The following NAT8L variants were observed in gnomAD, a reference collection of about 807,000 sequenced individuals.
NAT8L encodes the protein aspartate N-acetyltransferase, also known as N-acetylaspartate synthetase.
Under a neutral mutation model 21.2 loss-of-function variants are expected in NAT8L, and 6 were observed. The observed-to-expected ratio is 0.28, with a 90% CI of 0.16 to 0.56. NAT8L has a LOEUF of 0.56. Ranked by LOEUF, NAT8L falls within the 20% of genes least tolerant of loss-of-function variation. NAT8L has a pLI of 0.93. For synonymous variants in NAT8L, 239 were observed against 204.9 expected, an observed-to-expected ratio of 1.17 and a Z score of -1.42; for missense variants, 331 against 433.3, an observed-to-expected ratio of 0.76 and a Z score of 2.10.
intron 2 of NAT8L, among the ~76,000 whole-genome samples, chr4:2,063,441 CT>C (rs958042974): frequency 6.6e-6 from 1 of 152,286 alleles, no homozygotes; most frequent in Non-Finnish European, 1.5e-5. Context: ...TTGACCACTA[CT>C]CTGAGCAGCG....
rs1342653407 is a variant in NAT8L at position 2,065,428 on chromosome 4, C to CG, written c.*1307dup. 27 of 11,240 alleles carry CG rather than the reference C, an allele frequency of 2.4e-3. No individual in the cohort carries two copies. The highest frequency in any genetic ancestry group is 4.0e-3 in the Non-Finnish European group (21 of 5,270). The allele number at this position is 11,240 out of a possible 1,614,324, so 0.7% of individuals were successfully genotyped here. A position where few individuals can be genotyped will look rare whatever the true frequency, so the allele number is the denominator to read the frequency against. On this transcript the variant is annotated 3_prime_UTR_variant, in exon 3 of 3. Coordinates refer to ENST00000423729, the MANE Select transcript of NAT8L (RefSeq NM_178557.4). ...GGTCACAGGCAGGGGCTGCCCTGGA[C>CG]GGGGGGCGGGGGGGGTGGCCTGGAA...
At chr4:2,061,858 G>C (rs748698941) in intron 2 of NAT8L, among the ~76,000 whole-genome samples, 26 of 152,268 alleles carry the variant, frequency 1.7e-4, no homozygotes, top group Non-Finnish European at 3.1e-4. Context: ...GCCAACGAGA[G>C]GGACAGAGTG....
In NAT8L at chr4:2,066,361, G is replaced by A. The variant is rs1396375160; in HGVS notation, c.*2234G>A. On this transcript the variant is annotated 3_prime_UTR_variant, in exon 3 of 3. Transcript: ENST00000423729. ...TGCCAGGACTTGGTAGAGATGGCAG[G>A]AAGGGTGTGCGGGGTGGTTGTGTGC... 1.3e-5 allele frequency: 2 copies of A among 152,370 alleles called. No individual in the cohort carries two copies. Among genetic ancestry groups the A allele is most frequent in the Non-Finnish European group, 2.9e-5 (2 of 68,166 alleles). The allele number at this position is 152,370 out of a possible 1,614,324, so 9.4% of individuals were successfully genotyped here.
At position 2,059,648 on chromosome 4, in the gene NAT8L, C is replaced by T. The variant is rs1729812626; in HGVS notation, c.137C>T (p.Pro46Leu). The change falls in exon 1 of 3, where the codon CCC becomes CTC. Residue 46 changes from proline (P) to leucine (L), a missense_variant. This residue lies in a region of NAT8L where 199 missense variants were observed against 196.1 expected (regional missense o/e 1.01). Coordinates refer to ENST00000423729, the MANE Select transcript of NAT8L (RefSeq NM_178557.4). This position sits in a 1 kb window ranked among gnomAD's most constrained non-coding sequence, Gnocchi z 4.8. ...ATGTGGCCCCCGCTGCCCGCCGCGC[C>T]CGGGCCGGCCGCCGCGCCCCCCGCG... ...GAMWPPLPAA[P>L]GPAAAPPAPP... The T allele has an allele frequency of 3.1e-6, 3 of 967,790 alleles. No homozygotes were observed. In the African/African-American group the frequency reaches 5.3e-5, roughly 17 times the overall value. 60.0% of individuals were successfully genotyped at this position (967,790 alleles called of 1,614,324 possible). A position where few individuals can be genotyped will look rare whatever the true frequency, so the allele number is the denominator to read the frequency against.
At position 2,061,113 on chromosome 4, in the gene NAT8L, G is replaced by T. The variant is rs769862104; in HGVS notation, c.492G>T (p.Ala164=). 6.2e-7 allele frequency: 1 copy of T among 1,611,562 alleles called. No individual in the cohort carries two copies. The highest frequency in any genetic ancestry group is 8.5e-7 in the Non-Finnish European group (1 of 1,179,252). ...RKVIRAYLEC[A]LHTDMADIEQ... Reference sequence around the variant, plus strand: ...TGATCCGCGCCTACCTGGAGTGCGCGCTGCACACGGACATGGCGGACATCG... The same window carrying T: ...TGATCCGCGCCTACCTGGAGTGCGCTCTGCACACGGACATGGCGGACATCG... The change falls in exon 2 of 3, where the codon GCG becomes GCT. Residue 164 remains alanine (A), a synonymous_variant. Coordinates refer to ENST00000423729, the MANE Select transcript of NAT8L (RefSeq NM_178557.4).
At chr4:2,063,612 C>A in intron 2 of NAT8L, 148 bp from the exon 3 acceptor site, 1 of 1,457,996 alleles carries the variant, frequency 6.9e-7, no homozygotes, top group Non-Finnish European at 9.4e-7. Flanking sequence ...TAGCTAGGCC[C>A]CGGGGGCTGC....
Position 2,065,261 on chromosome 4 carries a change from C to T in NAT8L, c.*1134C>T, listed in dbSNP as rs571765734. On this transcript the variant is annotated 3_prime_UTR_variant, in exon 3 of 3. Coordinates refer to ENST00000423729, the MANE Select transcript of NAT8L (RefSeq NM_178557.4). ...CTGCCATGGAGCACGCCTCCCAGCC[C>T]TGGCCTGCAGTGTGGGCAGGGTGGG... 1.3e-5 allele frequency: 2 copies of T among 152,048 alleles called. No homozygotes were observed. Among genetic ancestry groups the T allele is most frequent in the African/African-American group, 4.8e-5 (2 of 41,370 alleles). 9.4% of individuals were successfully genotyped at this position (152,048 alleles called of 1,614,324 possible).
In NAT8L at chr4:2,060,948, G is replaced by A. The variant is rs1729844626; in HGVS notation, c.377-50G>A. 9.0e-7 allele frequency: 1 copy of A among 1,116,754 alleles called. No homozygotes were observed. The highest frequency in any genetic ancestry group is 1.3e-6 in the Non-Finnish European group (1 of 798,384). The allele number at this position is 1,116,754 out of a possible 1,614,324, so 69.2% of individuals were successfully genotyped here. A position where few individuals can be genotyped will look rare whatever the true frequency, so the allele number is the denominator to read the frequency against. ...CGGGCTTCGCCGGGGTGGCGTCTCT[G>A]GGGCCTGGGGACCCCCGCCGCGCCG... On this transcript the variant is annotated intron_variant, in intron 1 of 2. Coordinates refer to ENST00000423729, the MANE Select transcript of NAT8L (RefSeq NM_178557.4). The surrounding 1 kb of genome is among the most constrained non-coding windows in gnomAD (Gnocchi z 4.7).
In NAT8L at chr4:2,060,986, C is replaced by T. The variant is rs776831569; in HGVS notation, c.377-12C>T. The stretch of plus-strand genomic sequence containing the variant: ...CCCCGCCGCGCCGCTGACCCGCGCC[C>T]TCTGCCCCCAGCGCTGTGCTTCGCC... On this transcript the variant is annotated splice_polypyrimidine_tract_variant and intron_variant, in intron 1 of 2. Transcript: ENST00000423729. The surrounding 1 kb of genome is among the most constrained non-coding windows in gnomAD (Gnocchi z 4.7). 5 of 1,491,772 alleles carry T rather than the reference C, an allele frequency of 3.4e-6. No individual in the cohort carries two copies. In the East Asian group the frequency reaches 7.5e-5, roughly 22 times the overall value. 92.4% of individuals were successfully genotyped at this position (1,491,772 alleles called of 1,614,324 possible). A position where few individuals can be genotyped will look rare whatever the true frequency, so the allele number is the denominator to read the frequency against.
chr4:2,061,507 A>T lies in NAT8L; in HGVS notation c.541+345A>T, dbSNP rs1729889564. Among the ~76,000 whole-genome samples the T allele has an allele frequency of 2.0e-5, 3 of 150,860 alleles. No homozygotes were observed. In the South Asian group the frequency reaches 6.3e-4, roughly 31 times the overall value. The stretch of plus-strand genomic sequence containing the variant: ...GCCTTGCGGGGATGGGGTTGCCTGC[A>T]GTGCCAGGGTCCTGGGGGGAGAGGG... On this transcript the variant is annotated intron_variant, in intron 2 of 2. Coordinates refer to ENST00000423729, the MANE Select transcript of NAT8L (RefSeq NM_178557.4).
At chr4:2,063,191 C>T (rs978531661) in intron 2 of NAT8L, among the ~76,000 whole-genome samples, 4 of 152,276 alleles carry the variant, frequency 2.6e-5, no homozygotes, top group Admixed American at 6.5e-5. Flanking sequence ...AGGGAGCCTT[C>T]TGGACGCACT....
rs897897155 is a variant in NAT8L, at chr4:2,068,411, T to G, written c.*4284T>G. 6.6e-6 allele frequency: 1 copy of G among 152,268 alleles called. No homozygotes were observed. The highest frequency in any genetic ancestry group is 1.5e-5 in the Non-Finnish European group (1 of 68,066). 9.4% of individuals were successfully genotyped at this position (152,268 alleles called of 1,614,324 possible). A position where few individuals can be genotyped will look rare whatever the true frequency, so the allele number is the denominator to read the frequency against. On this transcript the variant is annotated 3_prime_UTR_variant, in exon 3 of 3. Transcript: ENST00000423729. ...ATGTGCGTGTGTATGCATGAGCACG[T>G]ATGCATGTGTGATGCGCATGTTCTT...
rs760329599 is a variant in NAT8L, at chr4:2,067,893, C to T, written c.*3766C>T. 3 of 152,296 alleles carry T rather than the reference C, an allele frequency of 2.0e-5. No homozygotes were observed. The highest frequency in any genetic ancestry group is 4.4e-5 in the Non-Finnish European group (3 of 68,076). 9.4% of individuals were successfully genotyped at this position (152,296 alleles called of 1,614,324 possible). Reference sequence around the variant, plus strand: ...GCCTGTGTTCCTGGGCTGATGGCCACAGAGCTGACACTTGGGGTTTGAGTT... The same window carrying T: ...GCCTGTGTTCCTGGGCTGATGGCCATAGAGCTGACACTTGGGGTTTGAGTT... On this transcript the variant is annotated 3_prime_UTR_variant, in exon 3 of 3. Coordinates refer to ENST00000423729, the MANE Select transcript of NAT8L (RefSeq NM_178557.4).
rs566603513 is a variant in NAT8L, at chr4:2,068,256, G to A, written c.*4129G>A. The A allele has an allele frequency of 1.3e-5, 2 of 152,368 alleles. No homozygotes were observed. Among genetic ancestry groups the A allele is most frequent in the African/African-American group, 2.4e-5 (1 of 41,552 alleles). The allele number at this position is 152,368 out of a possible 1,614,324, so 9.4% of individuals were successfully genotyped here. A position where few individuals can be genotyped will look rare whatever the true frequency, so the allele number is the denominator to read the frequency against. On this transcript the variant is annotated 3_prime_UTR_variant, in exon 3 of 3. Coordinates refer to ENST00000423729, the MANE Select transcript of NAT8L (RefSeq NM_178557.4). ...CGTGAGCATGCATGTGTGTGTACAC[G>A]TGTATAGGTGTACATGTGCATGAGT...
intron 2 of NAT8L, among the ~76,000 whole-genome samples, chr4:2,062,682 T>A (rs920209029): frequency 2.0e-5 from 3 of 151,386 alleles, no homozygotes; most frequent in African/African-American, 7.3e-5. Context: ...CAGGCCTCAG[T>A]GTCCAGCAGT....
rs866192028 is a variant in NAT8L at position 2,060,586 on chromosome 4, C to T, written c.377-412C>T. Among the ~76,000 whole-genome samples the T allele has an allele frequency of 1.7e-4, 26 of 152,222 alleles. No homozygotes were observed. The highest frequency in any genetic ancestry group is 6.8e-3 in the Middle Eastern group (2 of 294). ...TGCTGGGGCCCTGGGAAGAGGGGGTCCTGGAGCCCGAGGCTGGAACGTGGG... is the reference window on the plus strand; with the variant it reads ...TGCTGGGGCCCTGGGAAGAGGGGGTTCTGGAGCCCGAGGCTGGAACGTGGG... On this transcript the variant is annotated intron_variant, in intron 1 of 2. Coordinates refer to ENST00000423729, the MANE Select transcript of NAT8L (RefSeq NM_178557.4). The surrounding 1 kb of genome is among the most constrained non-coding windows in gnomAD (Gnocchi z 4.7).
rs1368964499 is a variant in NAT8L at position 2,060,905 on chromosome 4, C to A, written c.377-93C>A. The stretch of plus-strand genomic sequence containing the variant: ...CCGGCTCCTCCACCAGGAGCGCGGC[C>A]GGGCGCGGCGTCCCTAGCGGGCTTC... On this transcript the variant is annotated intron_variant, in intron 1 of 2. Transcript: ENST00000423729. This position sits in a 1 kb window ranked among gnomAD's most constrained non-coding sequence, Gnocchi z 4.7. 3 of 561,604 alleles carry A rather than the reference C, an allele frequency of 5.3e-6. No homozygotes were observed. Among genetic ancestry groups the A allele is most frequent in the Non-Finnish European group, 5.8e-6 (2 of 344,440 alleles). 34.8% of individuals were successfully genotyped at this position (561,604 alleles called of 1,614,324 possible). A position where few individuals can be genotyped will look rare whatever the true frequency, so the allele number is the denominator to read the frequency against.
At chr4:2,062,677 C>A (rs1412689582) in intron 2 of NAT8L, among the ~76,000 whole-genome samples, 1 of 152,088 alleles carries the variant, frequency 6.6e-6, no homozygotes, top group Admixed American at 6.5e-5. Flanking sequence ...CCTGCCAGGC[C>A]TCAGTGTCCA....
chr4:2,059,521 G>T lies in NAT8L; in HGVS notation c.10G>T (p.Gly4Trp). Residue 4 changes from glycine (G) to tryptophan (W), a missense_variant, in exon 1 of 3, where the codon GGG (glycine) becomes TGG (tryptophan). Coordinates refer to ENST00000423729, the MANE Select transcript of NAT8L (RefSeq NM_178557.4). The surrounding 1 kb of genome is among the most constrained non-coding windows in gnomAD (Gnocchi z 4.8). ...CCGCCCGGCCGGGTGCATGCATTGT[G>T]GGCCTCCCGACATGGTCTGCGAGAC... MHC[G>W]PPDMVCETKI... 3 of 999,156 alleles carry T rather than the reference G, an allele frequency of 3.0e-6. No homozygotes were observed. Among genetic ancestry groups the T allele is most frequent in the Non-Finnish European group, 3.6e-6 (3 of 839,030 alleles). The allele number at this position is 999,156 out of a possible 1,614,324, so 61.9% of individuals were successfully genotyped here.
Sources: allele counts gnomAD v4.1 joint callset (sites outside exome capture counted in the v4.1 genomes callset), GRCh38; gene constraint gnomAD v4.1.1; regional missense constraint gnomAD v4.1.1; non-coding constraint Gnocchi (gnomAD v3.1); transcripts MANE v1.5; gene names NCBI Gene and HGNC (gene_info 2026-07-23, HGNC 2026-07-21).